The following TACC2 variants were observed in gnomAD, a reference collection of about 807,000 sequenced individuals.
TACC2 encodes transforming acidic coiled-coil containing protein 2.
Under a neutral mutation model 227.3 loss-of-function variants are expected in TACC2, and 137 were observed. That is an observed-to-expected ratio of 0.60 (90% CI 0.52 to 0.69). The LOEUF is 0.69. Among genes scored for constraint, TACC2 ranks in the 30% least tolerant of loss-of-function variants. TACC2 has a pLI of 0.00. For synonymous variants in TACC2, 1,523 were observed against 1,487.5 expected (o/e 1.02, Z -0.55); for missense variants, 3,470 against 3,694.4 (o/e 0.94, Z 1.57).
At chr10:122,128,341 TTTAA>T (rs2087283896) in intron 5 of TACC2, among the ~76,000 whole-genome samples, 1 of 151,898 alleles carries the variant, frequency 6.6e-6, no homozygotes, top group African/African-American at 2.4e-5. Flanking sequence ...TGAGCAAGTA[TTTAA>T]TTATGTTCAA....
chr10:122,237,339 CTT>C, intron 16 of TACC2, 54 bp from the exon 17 acceptor site: 1 of 1,534,416 alleles, frequency 6.5e-7, no homozygotes, highest in Non-Finnish European at 8.8e-7. Flanking sequence ...GTGTAATCCT[CTT>C]TGTCGTATGA....
chr10:122,069,774 C>A (rs919599621), intron 3 of TACC2, among the ~76,000 whole-genome samples: 1 of 152,080 alleles, frequency 6.6e-6, no homozygotes, highest in African/African-American at 2.4e-5. Context: ...GTGGGGAGAC[C>A]CTTCTAGAAA....
At chr10:122,226,782 G>A (rs1221045599) in intron 13 of TACC2, among the ~76,000 whole-genome samples, 2 of 152,120 alleles carry the variant, frequency 1.3e-5, no homozygotes, top group Admixed American at 6.5e-5. Flanking sequence ...GGACATAAAC[G>A]CATTGGTTTT....
chr10:122,105,240 T>C (rs1217227723), intron 5 of TACC2, among the ~76,000 whole-genome samples: 2 of 131,386 alleles, frequency 1.5e-5, no homozygotes, highest in Non-Finnish European at 3.5e-5. Flanking sequence ...CAGTATGCTC[T>C]GTGTCTGGGG....
Position 122,083,424 on chromosome 10 carries a change from G to A in TACC2, c.924G>A (p.Arg308=), listed in dbSNP as rs1161527036. 3.7e-6 allele frequency: 6 copies of A among 1,613,620 alleles called. No individual in the cohort carries two copies. Among genetic ancestry groups the A allele is most frequent in the Middle Eastern group, 1.6e-4 (1 of 6,062 alleles). ...TAACAGATGACTTGGAATTCCTCAG[G>A]GCCTGCCATCTCCCTAGGAGCAATT... ...QYLTDDLEFL[R]ACHLPRSNSG... is the part of the protein sequence containing the mutation. The change falls in exon 4 of 23, where the codon AGG becomes AGA. Residue 308 remains arginine, a synonymous_variant. Coordinates refer to ENST00000369005, the MANE Select transcript of TACC2 (RefSeq NM_206862.4).
chr10:122,228,211 G>T (rs1432780264), intron 14 of TACC2, among the ~76,000 whole-genome samples: 2 of 152,202 alleles, frequency 1.3e-5, no homozygotes, highest in Non-Finnish European at 1.5e-5. Context: ...CACCAGTATG[G>T]TTTTGCATTT....
At chr10:122,240,204 A>G (rs891905910) in intron 18 of TACC2, among the ~76,000 whole-genome samples, 2 of 152,158 alleles carry the variant, frequency 1.3e-5, no homozygotes, top group African/African-American at 2.4e-5. Context: ...TTCCAAAAGG[A>G]CACGTCCCTT....
chr10:122,221,569 C>T (rs2095524247), intron 11 of TACC2, among the ~76,000 whole-genome samples: 1 of 152,134 alleles, frequency 6.6e-6, no homozygotes, highest in African/African-American at 2.4e-5. Flanking sequence ...ACACTGCAGA[C>T]ACTTAGAAGG....
intron 1 of TACC2, among the ~76,000 whole-genome samples, chr10:122,016,909 G>C (rs988094110): frequency 5.9e-5 from 9 of 152,178 alleles, no homozygotes; most frequent in African/African-American, 2.2e-4. Flanking sequence ...AATCCAACAT[G>C]ACTGTTGTCC....
At chr10:122,161,061 G>A (rs534235328) in intron 7 of TACC2, among the ~76,000 whole-genome samples, 10 of 152,216 alleles carry the variant, frequency 6.6e-5, no homozygotes, top group African/African-American at 2.4e-4. Flanking sequence ...AGCCTCCTGA[G>A]TAGCTGGGAC....
At chr10:122,082,306 TCAAA>T (rs544811521) in intron 3 of TACC2, among the ~76,000 whole-genome samples, 2 of 152,180 alleles carry the variant, frequency 1.3e-5, no homozygotes, top group East Asian at 1.9e-4. Context: ...AGACCCTGTC[TCAAA>T]CAAACAAACA....
At chr10:122,231,143 T>C (rs1331020556) in intron 16 of TACC2, among the ~76,000 whole-genome samples, 3 of 152,242 alleles carry the variant, frequency 2.0e-5, no homozygotes, top group Non-Finnish European at 4.4e-5. Flanking sequence ...GAGTATGACA[T>C]TGACAGGGCA....
chr10:122,164,832 A>G (rs1377188731), intron 7 of TACC2, among the ~76,000 whole-genome samples: 1 of 152,062 alleles, frequency 6.6e-6, no homozygotes, highest in Non-Finnish European at 1.5e-5. Context: ...TTCAGAGAAG[A>G]GTATTTTCTG....
At chr10:122,102,904 A>G (rs917914727) in intron 5 of TACC2, among the ~76,000 whole-genome samples, 2 of 152,166 alleles carry the variant, frequency 1.3e-5, no homozygotes, top group African/African-American at 4.8e-5. Flanking sequence ...ATTTCCTCTT[A>G]GCATGGGTGG....
chr10:122,043,187 C>T lies in TACC2; in HGVS notation c.34-7251C>T, dbSNP rs148127171. ...CATATTGTTTCTAAAATATTAAATA[C>T]ATACAGGTCATCAACATTGGGTATG... On this transcript the variant is annotated intron_variant, in intron 2 of 22. Coordinates refer to ENST00000369005, the MANE Select transcript of TACC2 (RefSeq NM_206862.4). Among the ~76,000 whole-genome samples, 396 of 152,322 alleles carry T rather than the reference C, an allele frequency of 2.6e-3. 2 individuals carry two copies. The highest frequency in any genetic ancestry group is 9.1e-3 in the African/African-American group (377 of 41,568).
intron 8 of TACC2, among the ~76,000 whole-genome samples, chr10:122,199,789 C>G (rs1234643815): frequency 6.6e-6 from 1 of 152,178 alleles, no homozygotes; most frequent in Non-Finnish European, 1.5e-5. Context: ...AGTCCAAGCT[C>G]AGGGCACTGG....
At chr10:122,164,353 A>G (rs1038747312) in intron 7 of TACC2, among the ~76,000 whole-genome samples, 2 of 151,664 alleles carry the variant, frequency 1.3e-5, no homozygotes, top group Non-Finnish European at 2.9e-5. Context: ...AGAACCCATG[A>G]GCGTGGCAGC....
At chr10:122,089,405 C>T (rs2080471122) in intron 5 of TACC2, among the ~76,000 whole-genome samples, 1 of 152,218 alleles carries the variant, frequency 6.6e-6, no homozygotes, top group South Asian at 2.1e-4. Flanking sequence ...ACAGCGGTCA[C>T]ACTCCAGGAG....
intron 1 of TACC2, among the ~76,000 whole-genome samples, chr10:121,995,424 C>T (rs1953323196): frequency 1.3e-5 from 2 of 152,136 alleles, no homozygotes; most frequent in African/African-American, 2.4e-5. Context: ...AGAAACGCCC[C>T]GACCAAAAGC....
Sources: allele counts gnomAD v4.1 joint callset (sites outside exome capture counted in the v4.1 genomes callset), GRCh38; gene constraint gnomAD v4.1.1; transcripts MANE v1.5; gene names NCBI Gene and HGNC (gene_info 2026-07-23, HGNC 2026-07-21).